Variants in MS4A15 observed in about 807,000 individuals in gnomAD.
MS4A15 encodes membrane-spanning 4-domains subfamily A member 15.
In MS4A15, 22 loss-of-function variants were observed where a neutral mutation model predicts 20.6. That is an observed-to-expected ratio of 1.07 (90% CI 0.76 to 1.52). The LOEUF (loss-of-function observed/expected upper bound fraction) is 1.52. Among genes scored for constraint, MS4A15 ranks in the 40% most tolerant of loss-of-function variants. MS4A15 has a pLI of 0.00. For synonymous variants in MS4A15, 129 were observed against 129.3 expected, an observed-to-expected ratio of 1.00 and a Z score of 0.02; for missense variants, 312 against 323.0, an observed-to-expected ratio of 0.97 and a Z score of 0.26.
chr11:60,771,491 C>A, intron 4 of MS4A15, 144 bp downstream of exon 4: 1 of 1,539,616 alleles, frequency 6.5e-7, no homozygotes, highest in South Asian at 1.2e-5. Flanking sequence ...GGGGCACCAC[C>A]CAGGCAGACC....
Position 60,775,818 on chromosome 11 carries a change from GC to G in MS4A15, c.*106del. 1.2e-6 allele frequency: 1 copy of G among 846,338 alleles called. No homozygotes were observed. The highest frequency in any genetic ancestry group is 1.7e-5 in the South Asian group (1 of 60,478). 52.4% of individuals were successfully genotyped at this position (846,338 alleles called of 1,614,324 possible). A position where few individuals can be genotyped will look rare whatever the true frequency, so the allele number is the denominator to read the frequency against. On this transcript the variant is annotated 3_prime_UTR_variant, in exon 7 of 7. Transcript: ENST00000405633. The stretch of plus-strand genomic sequence containing the variant: ...ATCAGGGGCCAGCCCCATCCCAGCT[GC>G]CCTCCCTCACCACATCTACACATAC...
At chr11:60,764,600 T>C (rs1359764420) in intron 2 of MS4A15, among the ~76,000 whole-genome samples, 1 of 152,180 alleles carries the variant, frequency 6.6e-6, no homozygotes, top group Non-Finnish European at 1.5e-5. Context: ...TGTGTGTGTA[T>C]ACATGTAGCG....
At chr11:60,761,515 G>GGCACC (rs1853739357) in intron 1 of MS4A15, among the ~76,000 whole-genome samples, 1 of 152,148 alleles carries the variant, frequency 6.6e-6, no homozygotes, top group South Asian at 2.1e-4. Context: ...GTTTGATAAT[G>GGCACC]GCACCTTACT....
Position 60,776,653 on chromosome 11 carries a change from G to A in MS4A15, c.*938G>A, listed in dbSNP as rs1479783842. 6.6e-6 allele frequency: 1 copy of A among 152,266 alleles called. No homozygotes were observed. Among genetic ancestry groups the A allele is most frequent in the Non-Finnish European group, 1.5e-5 (1 of 68,072 alleles). 9.4% of individuals were successfully genotyped at this position (152,266 alleles called of 1,614,324 possible). ...GGGACAAGGAGACACTGTCAGCCTG[G>A]TGTTCACCAGGCCTGGTAGATGAGA... On this transcript the variant is annotated 3_prime_UTR_variant, in exon 7 of 7. Transcript: ENST00000405633.
intron 1 of MS4A15, among the ~76,000 whole-genome samples, chr11:60,759,895 C>T (rs1002013968): frequency 1.3e-5 from 2 of 152,112 alleles, no homozygotes; most frequent in Non-Finnish European, 2.9e-5. Context: ...GTTCTTCTGC[C>T]GCACCCCCCA....
rs1251253687 is a variant in MS4A15 at position 60,763,929 on chromosome 11, T to C, written c.196T>C (p.Phe66Leu). The C allele has an allele frequency of 1.2e-6, 2 of 1,612,952 alleles. No individual in the cohort carries two copies. The highest frequency in any genetic ancestry group is 1.7e-6 in the Non-Finnish European group (2 of 1,179,866). ...QPPDLRPVET[F>L]LTGEPKVLGT... ...ACCTGACTTGCGGCCCGTGGAGACA[T>C]TCCTGACAGGAGAGCCCAAAGTTTT... Residue 66 changes from phenylalanine to leucine, a missense_variant, in exon 2 of 7, where the codon TTC becomes CTC. Coordinates refer to ENST00000405633, the MANE Select transcript of MS4A15 (RefSeq NM_001098835.2).
At position 60,760,955 on chromosome 11, in the gene MS4A15, G is replaced by C. The variant is rs183688494; in HGVS notation, c.-28-2751G>C. Among the ~76,000 whole-genome samples, 1,357 of 152,264 alleles carry C rather than the reference G, an allele frequency of 8.9e-3. 12 individuals are homozygous for C. The highest frequency in any genetic ancestry group is 0.014 in the Admixed American group (208 of 15,290). On this transcript the variant is annotated intron_variant, in intron 1 of 6. Transcript: ENST00000405633. Reference sequence around the variant, plus strand: ...AGAGAATCAGTTTCTTATGTATCTGGGGGTAATTGGGAAAACTTCTGAGAA... The same window carrying C: ...AGAGAATCAGTTTCTTATGTATCTGCGGGTAATTGGGAAAACTTCTGAGAA...
chr11:60,761,309 A>G (rs10792289), intron 1 of MS4A15, among the ~76,000 whole-genome samples: 62,170 of 152,088 alleles, frequency 0.41, 12,938 homozygotes, highest in Middle Eastern at 0.5. Flanking sequence ...TATCTTTACT[A>G]TCAGTGTAAA....
At chr11:60,765,606 G>C (rs925681480) in intron 2 of MS4A15, among the ~76,000 whole-genome samples, 1 of 152,102 alleles carries the variant, frequency 6.6e-6, no homozygotes, top group East Asian at 1.9e-4. Context: ...ATTTGCCTAA[G>C]GCCACACAGC....
At chr11:60,761,889 G>A (rs1389081637) in intron 1 of MS4A15, among the ~76,000 whole-genome samples, 1 of 152,174 alleles carries the variant, frequency 6.6e-6, no homozygotes, top group Non-Finnish European at 1.5e-5. Context: ...TCTTCCAGTA[G>A]TTAGTATGCT....
chr11:60,764,198 G>A (rs1219697527), intron 2 of MS4A15, among the ~76,000 whole-genome samples: 1 of 152,192 alleles, frequency 6.6e-6, no homozygotes, highest in Non-Finnish European at 1.5e-5. Flanking sequence ...TGATGACTAG[G>A]GCTAAGGGGA....
At chr11:60,757,452 A>G (rs1031484770) in intron 1 of MS4A15, among the ~76,000 whole-genome samples, 1 of 152,132 alleles carries the variant, frequency 6.6e-6, no homozygotes, top group Non-Finnish European at 1.5e-5. Flanking sequence ...CCTGAAGGGA[A>G]TTCAGGAGGT....
At chr11:60,767,025 G>C (rs1261982511) in intron 2 of MS4A15, among the ~76,000 whole-genome samples, 1 of 152,206 alleles carries the variant, frequency 6.6e-6, no homozygotes, top group African/African-American at 2.4e-5. Flanking sequence ...AGACTAGTAG[G>C]GTGCTGGTAA....
At chr11:60,771,467 A>G in intron 4 of MS4A15, 120 bp downstream of exon 4, 1 of 1,551,808 alleles carries the variant, frequency 6.4e-7, no homozygotes, top group Admixed American at 1.9e-5. Flanking sequence ...GGGGACCTGC[A>G]AAGTGCCAGG....
At chr11:60,761,080 CCT>C (rs1353373705) in intron 1 of MS4A15, among the ~76,000 whole-genome samples, 1 of 152,076 alleles carries the variant, frequency 6.6e-6, no homozygotes, top group Admixed American at 6.6e-5. Context: ...TCTAAATCCC[CCT>C]GTTTTTAATG....
At chr11:60,772,542 T>C (rs1854069400) in intron 4 of MS4A15, among the ~76,000 whole-genome samples, 1 of 152,216 alleles carries the variant, frequency 6.6e-6, no homozygotes, top group Non-Finnish European at 1.5e-5. Context: ...ATAAAAGCTT[T>C]TGGCTTAATC....
chr11:60,775,713 T>C lies in MS4A15; in HGVS notation c.721T>C (p.Ter241ArgextTer47), dbSNP rs1350780754. The change falls in exon 7 of 7, where the codon TGA becomes CGA. Residue 241 changes from the stop codon to arginine (R), a stop_lost. Coordinates refer to ENST00000405633, the MANE Select transcript of MS4A15 (RefSeq NM_001098835.2). ...DNVAYAQGVV[*>R] Reference sequence around the variant, plus strand: ...TGTGGCATATGCCCAAGGAGTCGTCTGAGTAGCAGATGTGGCACCTGCGGG... The same window carrying C: ...TGTGGCATATGCCCAAGGAGTCGTCCGAGTAGCAGATGTGGCACCTGCGGG... 3 of 1,612,136 alleles carry C rather than the reference T, an allele frequency of 1.9e-6. No homozygotes were observed. The highest frequency in any genetic ancestry group is 2.5e-6 in the Non-Finnish European group (3 of 1,178,816).
At chr11:60,770,717 T>C (rs1395753617) in intron 3 of MS4A15, among the ~76,000 whole-genome samples, 1 of 151,924 alleles carries the variant, frequency 6.6e-6, no homozygotes, top group East Asian at 1.9e-4. Context: ...TTTCTGTTTT[T>C]TGTTTTGAGA....
chr11:60,773,330 C>A, intron 4 of MS4A15, 62 bp from the exon 5 acceptor site: 1 of 1,433,392 alleles, frequency 7.0e-7, no homozygotes, highest in Non-Finnish European at 9.6e-7. Context: ...TGAGCCACAG[C>A]CCCTGCCTTT....
Sources: allele counts gnomAD v4.1 joint callset (sites outside exome capture counted in the v4.1 genomes callset), GRCh38; gene constraint gnomAD v4.1.1; transcripts MANE v1.5; gene names NCBI Gene and HGNC (gene_info 2026-07-23, HGNC 2026-07-21).